SEPTIN10: variants seen among roughly 807,000 people sequenced by gnomAD.
The protein encoded by SEPTIN10 is septin 10.
In SEPTIN10, 66 loss-of-function variants were observed where a neutral mutation model predicts 54.8. That is an observed-to-expected ratio of 1.21 (90% CI 0.99 to 1.48). SEPTIN10 has a LOEUF of 1.48. SEPTIN10 is among the 40% of genes most tolerant of loss of function. The pLI is 0.00. For synonymous variants in SEPTIN10, 161 were observed against 181.0 expected (o/e 0.89, Z 0.89); for missense variants, 620 against 545.6 (o/e 1.14, Z -1.36).
At chr2:109,568,948 G>T (rs1687717204) in intron 5 of SEPTIN10, among the ~76,000 whole-genome samples, 1 of 152,106 alleles carries the variant, frequency 6.6e-6, no homozygotes, top group Non-Finnish European at 1.5e-5. Context: ...AAGAGATTTG[G>T]GGTTGTGAAG....
At chr2:109,556,623 T>G (rs992418265) in intron 8 of SEPTIN10, among the ~76,000 whole-genome samples, 1 of 152,168 alleles carries the variant, frequency 6.6e-6, no homozygotes, top group Non-Finnish European at 1.5e-5. Flanking sequence ...GGAGGCATTT[T>G]ACTTAGTATC....
At position 109,599,458 on chromosome 2, in the gene SEPTIN10, C is replaced by CAA. The variant is rs55670927; in HGVS notation, c.31-6341_31-6340dup. The stretch of plus-strand genomic sequence containing the variant: ...GGGCAAAAGAGCAAGACTCAGTCTC[C>CAA]AAAAAAAAAAAAAAAAAAAGAACTC... On this transcript the variant is annotated intron_variant, in intron 1 of 10. Coordinates refer to ENST00000397712, the MANE Select transcript of SEPTIN10 (RefSeq NM_144710.5). Among the ~76,000 whole-genome samples, 321 of 63,266 alleles carry CAA rather than the reference C, an allele frequency of 5.1e-3. 1 individual carries two copies. Among genetic ancestry groups the CAA allele is most frequent in the Non-Finnish European group, 5.7e-3 (182 of 31,916 alleles). 41.5% of individuals were successfully genotyped at this position (63,266 alleles called of 152,430 possible).
At chr2:109,574,929 C>A (rs572003706) in intron 4 of SEPTIN10, among the ~76,000 whole-genome samples, 162 bp from the exon 5 acceptor site, 2 of 152,134 alleles carry the variant, frequency 1.3e-5, no homozygotes, top group African/African-American at 4.8e-5. Flanking sequence ...GCAGAACATG[C>A]GCAAAAGCTA....
intron 9 of SEPTIN10, 22 bp downstream of exon 9, chr2:109,553,065 C>T: frequency 6.3e-7 from 1 of 1,599,534 alleles, no homozygotes; most frequent in Non-Finnish European, 8.5e-7. Flanking sequence ...AAATGCAAAT[C>T]ACATCAAACC....
intron 4 of SEPTIN10, 81 bp from the exon 5 acceptor site, chr2:109,574,848 C>T (rs1399000257): frequency 2.0e-6 from 2 of 990,022 alleles, no homozygotes; most frequent in Non-Finnish European, 2.8e-6. Context: ...AGTTTGAGGT[C>T]TATATTTTCA....
At chr2:109,584,658 T>C (rs948673708) in intron 4 of SEPTIN10, among the ~76,000 whole-genome samples, 1 of 152,080 alleles carries the variant, frequency 6.6e-6, no homozygotes, top group Non-Finnish European at 1.5e-5. Flanking sequence ...AGGTAAAATA[T>C]AAATTAAAAT....
chr2:109,580,877 C>T (rs966941610), intron 4 of SEPTIN10, among the ~76,000 whole-genome samples: 2 of 152,170 alleles, frequency 1.3e-5, no homozygotes, highest in Admixed American at 6.5e-5. Context: ...CAGCACAGCG[C>T]CTGGCCATTC....
intron 10 of SEPTIN10, chr2:109,545,307 C>G (rs972323676): frequency 1.1e-5 from 16 of 1,452,890 alleles, no homozygotes; most frequent in Non-Finnish European, 1.4e-5. Flanking sequence ...ACAAGGGACA[C>G]AAAGTACAGA....
chr2:109,604,930 G>A (rs112760563), intron 1 of SEPTIN10: 3 of 152,306 alleles, frequency 2.0e-5, no homozygotes, highest in African/African-American at 7.2e-5. Flanking sequence ...CTGGAGAGAC[G>A]TCACTGTGAA....
At chr2:109,591,619 A>T (rs1694083813) in intron 2 of SEPTIN10, among the ~76,000 whole-genome samples, 1 of 152,212 alleles carries the variant, frequency 6.6e-6, no homozygotes, top group South Asian at 2.1e-4. Flanking sequence ...ATTACTGGCC[A>T]GGTGTGGTGG....
In SEPTIN10 at chr2:109,548,775, CAAAAAAAAAA is replaced by C. The variant is rs57096452; in HGVS notation, c.1162-2548_1162-2539del. On this transcript the variant is annotated intron_variant, in intron 9 of 10. Transcript: ENST00000397712. ...TGGGCCACAGAGTTAGGCTCCATCT[CAAAAAAAAAA>C]AAAAAAAAAAAAAAAAAGACATAAT... Among the ~76,000 whole-genome samples, 44 of 63,596 alleles carry C rather than the reference CAAAAAAAAAA, an allele frequency of 6.9e-4. 1 individual carries two copies. The highest frequency in any genetic ancestry group is 2.4e-3 in the South Asian group (3 of 1,242). 41.7% of individuals were successfully genotyped at this position (63,596 alleles called of 152,430 possible).
intron 1 of SEPTIN10, among the ~76,000 whole-genome samples, chr2:109,610,881 C>A (rs910891946): frequency 7.2e-5 from 11 of 152,114 alleles, no homozygotes; most frequent in African/African-American, 2.7e-4. Context: ...CTAAAACTTA[C>A]ACAGAGAGGC....
intron 9 of SEPTIN10, among the ~76,000 whole-genome samples, chr2:109,550,524 G>A (rs868543724): frequency 9.4e-4 from 143 of 152,060 alleles, no homozygotes; most frequent in African/African-American, 3.4e-3. Context: ...ATATTGACCA[G>A]GCTGGTCTCA....
intron 1 of SEPTIN10, among the ~76,000 whole-genome samples, chr2:109,605,963 CATT>C (rs1192752462): frequency 6.6e-6 from 1 of 152,176 alleles, no homozygotes; most frequent in African/African-American, 2.4e-5. Context: ...AATGCTGCAT[CATT>C]AAGAACTGCC....
rs1284970253 is a variant in SEPTIN10 at position 109,593,109 on chromosome 2, G to A, written c.41C>T (p.Ser14Phe). The change falls in exon 2 of 11, where the codon TCT becomes TTT. Residue 14 changes from serine to phenylalanine, a missense_variant. Physicochemically the swap from Ser to Phe is radical, Grantham distance 155. Transcript: ENST00000397712. Reference sequence around the variant, plus strand: ...ACAAGTTGTTTTCGTTGCCATGTGAGACTGAAAGAGCTAAAAAAGGAATAC... The same window carrying A: ...ACAAGTTGTTTTCGTTGCCATGTGAAACTGAAAGAGCTAAAAAAGGAATAC... ...SEVARHLLFQSHMATKTTCMS... is the reference protein window; with the variant it reads ...SEVARHLLFQFHMATKTTCMS... 1.1e-5 allele frequency: 18 copies of A among 1,596,058 alleles called. No individual in the cohort carries two copies. Among genetic ancestry groups the A allele is most frequent in the Non-Finnish European group, 1.5e-5 (18 of 1,171,968 alleles).
intron 10 of SEPTIN10, chr2:109,545,456 C>A: frequency 6.5e-7 from 1 of 1,536,170 alleles, no homozygotes; most frequent in East Asian, 2.4e-5. Context: ...GTGGCCCTCT[C>A]TACCTTTCTC....
At chr2:109,554,841 G>C (rs1683990929) in intron 8 of SEPTIN10, among the ~76,000 whole-genome samples, 1 of 152,142 alleles carries the variant, frequency 6.6e-6, no homozygotes, top group African/African-American at 2.4e-5. Context: ...ACCCGTGTTA[G>C]TGCTGATATG....
chr2:109,554,522 C>G (rs1158318871), intron 8 of SEPTIN10, among the ~76,000 whole-genome samples: 1 of 152,142 alleles, frequency 6.6e-6, no homozygotes, highest in African/African-American at 2.4e-5. Context: ...TCACACCACC[C>G]CCACCCAACT....
intron 6 of SEPTIN10, 63 bp from the exon 7 acceptor site, chr2:109,565,922 T>C (rs1224964811): frequency 1.5e-6 from 2 of 1,352,398 alleles, no homozygotes; most frequent in African/African-American, 2.9e-5. Flanking sequence ...ATAAAATAAA[T>C]TTTATGTGAG....
Sources: allele counts gnomAD v4.1 joint callset (sites outside exome capture counted in the v4.1 genomes callset), GRCh38; gene constraint gnomAD v4.1.1; transcripts MANE v1.5; gene names NCBI Gene and HGNC (gene_info 2026-07-23, HGNC 2026-07-21).